CLTC: variants seen among roughly 807,000 people sequenced by gnomAD.
CLTC encodes the protein clathrin heavy chain.
A neutral mutation model predicts 195.8 loss-of-function variants in CLTC; 16 were observed. The ratio of observed to expected loss-of-function variants is 0.08; its 90% CI spans 0.06 to 0.12. The LOEUF (loss-of-function observed/expected upper bound fraction) is 0.12, where lower values mean the gene tolerates loss of function less well. CLTC is among the 10% of genes least tolerant of loss of function. The pLI, the probability that CLTC is intolerant of heterozygous loss-of-function variation, is 1.00. For synonymous variants in CLTC, 667 were observed against 689.4 expected, an observed-to-expected ratio of 0.97 and a Z score of 0.51; for missense variants, 796 against 2,027.0, an observed-to-expected ratio of 0.39 and a Z score of 11.66.
chr17:59,646,066 A>G (rs1052871837), intron 2 of CLTC: 1 of 689,186 alleles, frequency 1.5e-6, no homozygotes, highest in Non-Finnish European at 1.8e-6. Flanking sequence ...CCTGTTCTAT[A>G]AAAAGAATAA....
At chr17:59,629,518 A>ATTTTTTT (rs5821273) in intron 1 of CLTC, among the ~76,000 whole-genome samples, 28 of 126,058 alleles carry the variant, frequency 2.2e-4, no homozygotes, top group Non-Finnish European at 1.9e-4. Flanking sequence ...AGAGATCATA[A>ATTTTTTT]TTTTTTTTTT....
At chr17:59,668,353 C>T (rs570221449) in intron 13 of CLTC, among the ~76,000 whole-genome samples, 2 of 152,250 alleles carry the variant, frequency 1.3e-5, no homozygotes, top group African/African-American at 2.4e-5. Flanking sequence ...TCAAGACCAG[C>T]CTGGCTAGCA....
chr17:59,647,596 G>A lies in CLTC; in HGVS notation c.449G>A (p.Gly150Glu). 1 of 1,614,020 alleles carries A rather than the reference G, an allele frequency of 6.2e-7. No individual in the cohort carries two copies. The highest frequency in any genetic ancestry group is 8.5e-7 in the Non-Finnish European group (1 of 1,179,954). ...TTTGATCGCCATTCTAGCCTTGCAG[G>A]GTGCCAGATTATCAATTACCGTACA... Reference protein sequence around the residue: ...KMFDRHSSLAGCQIINYRTDA... With the variant: ...KMFDRHSSLAECQIINYRTDA... Residue 150 changes from glycine to glutamate, a missense_variant, in exon 3 of 32, where the codon GGG (glycine) becomes GAG (glutamate). By Grantham distance (98) the Gly-to-Glu change is moderately conservative (BLOSUM62 -2). Coordinates refer to ENST00000269122, the MANE Select transcript of CLTC (RefSeq NM_004859.4).
At chr17:59,665,105 G>A (rs1451042051) in intron 10 of CLTC, among the ~76,000 whole-genome samples, 196 bp downstream of exon 10, 3 of 151,888 alleles carry the variant, frequency 2.0e-5, no homozygotes, top group East Asian at 1.9e-4. Context: ...CATGCCTGTC[G>A]CCCCAGCTAC....
intron 5 of CLTC, among the ~76,000 whole-genome samples, chr17:59,652,582 C>G (rs2032354461): frequency 6.6e-6 from 1 of 152,142 alleles, no homozygotes; most frequent in South Asian, 2.1e-4. Flanking sequence ...TGACTATGTG[C>G]ATTGTCGATG....
intron 1 of CLTC, among the ~76,000 whole-genome samples, chr17:59,623,211 T>C (rs1362010989): frequency 1.3e-5 from 2 of 152,166 alleles, no homozygotes; most frequent in African/African-American, 2.4e-5. Context: ...AGGCATGGAA[T>C]GTGTTGTTGA....
Position 59,694,014 on chromosome 17 carries a change from A to C in CLTC, c.*162A>C, listed in dbSNP as rs1011907676. 2 of 645,628 alleles carry C rather than the reference A, an allele frequency of 3.1e-6. No homozygotes were observed. Among genetic ancestry groups the C allele is most frequent in the Non-Finnish European group, 4.7e-6 (2 of 425,298 alleles). 40.0% of individuals were successfully genotyped at this position (645,628 alleles called of 1,614,324 possible). On this transcript the variant is annotated 3_prime_UTR_variant, in exon 32 of 32. Coordinates refer to ENST00000269122, the MANE Select transcript of CLTC (RefSeq NM_004859.4). ...ACTATAAACTTGGATCACCTATGTTAAAACCTTATTTCACATTCCACATCA... is the reference window on the plus strand; with the variant it reads ...ACTATAAACTTGGATCACCTATGTTCAAACCTTATTTCACATTCCACATCA...
chr17:59,623,888 C>T lies in CLTC; in HGVS notation c.42+3715C>T, dbSNP rs368891012. On this transcript the variant is annotated intron_variant, in intron 1 of 31. Transcript: ENST00000269122. ...TCTTTTTAATTTAAATGTAAATAGC[C>T]ACATGTGACAATTGACTCCTACATT... is the stretch of plus-strand genomic sequence containing the variant. Among the ~76,000 whole-genome samples, 253 of 152,250 alleles carry T rather than the reference C, an allele frequency of 1.7e-3. 10 individuals carry two copies. In the South Asian group the frequency reaches 0.051, roughly 31 times the overall value.
intron 1 of CLTC, 89 bp from the exon 2 acceptor site, chr17:59,644,187 G>A: frequency 2.0e-6 from 2 of 988,576 alleles, no homozygotes; most frequent in Admixed American, 2.3e-5. Flanking sequence ...AAGCATTAAT[G>A]TTAAGTGAGG....
intron 5 of CLTC, among the ~76,000 whole-genome samples, chr17:59,655,553 G>A (rs7224631): frequency 0.18 from 27,523 of 152,114 alleles, 3,371 homozygotes; most frequent in East Asian, 0.45. Flanking sequence ...CCTTCCATTC[G>A]TAAAGATTCA....
chr17:59,671,625 A>G (rs577034432), intron 14 of CLTC, among the ~76,000 whole-genome samples: 2 of 152,174 alleles, frequency 1.3e-5, no homozygotes, highest in East Asian at 3.9e-4. Context: ...AAAGCATATA[A>G]CTGTTCATCA....
chr17:59,671,444 CCT>C (rs2032845408), intron 14 of CLTC, among the ~76,000 whole-genome samples: 1 of 151,974 alleles, frequency 6.6e-6, no homozygotes, highest in South Asian at 2.1e-4. Flanking sequence ...AGAAAAATAC[CCT>C]GACTCTGATC....
At chr17:59,622,328 C>T (rs1265215666) in intron 1 of CLTC, among the ~76,000 whole-genome samples, 3 of 152,220 alleles carry the variant, frequency 2.0e-5, no homozygotes, top group African/African-American at 4.8e-5. Flanking sequence ...ACTACAGCCT[C>T]TTTCATGATA....
intron 30 of CLTC, chr17:59,686,944 A>T: frequency 2.1e-6 from 2 of 953,616 alleles, no homozygotes; most frequent in Non-Finnish European, 2.5e-6. Context: ...CTACCTTTTT[A>T]TGCTCAATAT....
chr17:59,636,309 CTTT>C (rs2031858769), intron 1 of CLTC, among the ~76,000 whole-genome samples: 1 of 152,256 alleles, frequency 6.6e-6, no homozygotes, highest in South Asian at 2.1e-4. Context: ...AGGATGGATA[CTTT>C]TTTTCCCTTT....
chr17:59,620,594 C>T (rs1409618907), intron 1 of CLTC, among the ~76,000 whole-genome samples: 4 of 150,516 alleles, frequency 2.7e-5, no homozygotes, highest in Non-Finnish European at 1.5e-5. Flanking sequence ...TCTCCTCTTT[C>T]CCTCATCGTG....
At chr17:59,653,015 T>G (rs924459005) in intron 5 of CLTC, among the ~76,000 whole-genome samples, 4 of 152,176 alleles carry the variant, frequency 2.6e-5, no homozygotes, top group Admixed American at 1.3e-4. Context: ...TGCTTAAACC[T>G]CATGAATCAA....
intron 16 of CLTC, among the ~76,000 whole-genome samples, chr17:59,675,725 C>T (rs1462452668): frequency 6.6e-6 from 1 of 151,842 alleles, no homozygotes; most frequent in African/African-American, 2.4e-5. Flanking sequence ...GAATCTATTA[C>T]CTGAAAATAA....
rs2033171530 is a variant in CLTC, at chr17:59,685,796, G to A, written c.4815G>A (p.Glu1605=). The A allele has an allele frequency of 1.9e-6, 3 of 1,613,096 alleles. No homozygotes were observed. The highest frequency in any genetic ancestry group is 2.5e-6 in the Non-Finnish European group (3 of 1,179,328). ...CCTATTTCATCCAGGTCATGAAGGA[G>A]TACTTGACAAAGGTAATGACTCTTC... ...AMPYFIQVMK[E]YLTKVDKLDA... The change falls in exon 30 of 32, where the codon GAG becomes GAA. Residue 1605 remains glutamate (E), a synonymous_variant. Coordinates refer to ENST00000269122, the MANE Select transcript of CLTC (RefSeq NM_004859.4). The surrounding 1 kb of genome is among the most constrained non-coding windows in gnomAD (Gnocchi z 5.0).
Sources: allele counts gnomAD v4.1 joint callset (sites outside exome capture counted in the v4.1 genomes callset), GRCh38; gene constraint gnomAD v4.1.1; non-coding constraint Gnocchi (gnomAD v3.1); transcripts MANE v1.5; gene names NCBI Gene and HGNC (gene_info 2026-07-23, HGNC 2026-07-21).